Variants in USP16 observed in about 807,000 individuals in gnomAD.
USP16 encodes ubiquitin specific peptidase 16, also known as ubiquitin carboxyl-terminal hydrolase 16.
In USP16, 77 loss-of-function variants were observed where a neutral mutation model predicts 95.9. The observed-to-expected ratio is 0.80, with a 90% CI of 0.67 to 0.97. The LOEUF (loss-of-function observed/expected upper bound fraction) is 0.97, where lower values mean the gene tolerates loss of function less well. USP16 is among the 50% of genes least tolerant of loss of function. USP16 has a pLI of 0.00. For missense variants in USP16, 943 were observed against 959.9 expected (o/e 0.98, Z 0.23); for synonymous variants, 303 against 318.2 (o/e 0.95, Z 0.51).
chr21:29,046,439 T>C (rs2085324166), intron 13 of USP16, among the ~76,000 whole-genome samples: 1 of 152,200 alleles, frequency 6.6e-6, no homozygotes, highest in South Asian at 2.1e-4. Flanking sequence ...TGAGCCGCCA[T>C]GCCCAGCCAA....
At chr21:29,040,459 C>T (rs2085226356) in intron 9 of USP16, 150 bp from the exon 10 acceptor site, 2 of 298,252 alleles carry the variant, frequency 6.7e-6, no homozygotes, top group Non-Finnish European at 1.3e-5. Context: ...TTTTTAGCTC[C>T]TTGAATTAAG....
At chr21:29,034,791 T>C in intron 3 of USP16, 46 bp from the exon 4 acceptor site, 1 of 1,577,208 alleles carries the variant, frequency 6.3e-7, no homozygotes, top group East Asian at 2.2e-5. Context: ...TCTCCCCTCT[T>C]GCTGAGTTTT....
At chr21:29,030,862 A>G in intron 3 of USP16, 89 bp downstream of exon 3, 1 of 1,397,932 alleles carries the variant, frequency 7.2e-7, no homozygotes, top group Non-Finnish European at 9.7e-7. Flanking sequence ...CAGTATGGAT[A>G]AAAGGATACT....
chr21:29,034,421 T>C (rs140228229), intron 3 of USP16, among the ~76,000 whole-genome samples: 83 of 152,028 alleles, frequency 5.5e-4, no homozygotes, highest in African/African-American at 8.4e-4. Flanking sequence ...CAAGCAGTTC[T>C]CCTGCCTCAG....
At chr21:29,026,601 T>C (rs1484619893) in intron 1 of USP16, 1 of 148,380 alleles carries the variant, frequency 6.7e-6, no homozygotes, top group East Asian at 2.0e-4. Context: ...AGGCTAGTCT[T>C]GAACTTCTGG....
chr21:29,042,746 C>T (rs991863110), intron 12 of USP16: 1 of 449,360 alleles, frequency 2.2e-6, no homozygotes, highest in Non-Finnish European at 3.8e-6. Flanking sequence ...GAATTCTGTA[C>T]AAGTAATTAG....
chr21:29,037,487 T>TA lies in USP16; in HGVS notation c.636+30dup, dbSNP rs78302026. On this transcript the variant is annotated intron_variant, in intron 6 of 17. Transcript: ENST00000399976. ...AGGTACATTGTCATTTTTTTCCCTT[T>TA]AAAAAAGCTGTCCTTTTCCTCATAG... The TA allele has an allele frequency of 2.8e-4, 426 of 1,503,250 alleles. 1 individual carries two copies. In the East Asian group the frequency reaches 8.7e-3, roughly 31 times the overall value. The allele number at this position is 1,503,250 out of a possible 1,614,324, so 93.1% of individuals were successfully genotyped here.
chr21:29,046,659 T>C lies in USP16; in HGVS notation c.1357-8T>C, dbSNP rs1340443221. On this transcript the variant is annotated splice_region_variant and splice_polypyrimidine_tract_variant and intron_variant, in intron 13 of 17. Transcript: ENST00000399976. ...TTTATTTTTTGATGCCGTATACTTT[T>C]TACCCAGAACCAACGAAGACAACAA... 5.0e-6 allele frequency: 8 copies of C among 1,589,180 alleles called. No individual in the cohort carries two copies. The highest frequency in any genetic ancestry group is 6.0e-6 in the Non-Finnish European group (7 of 1,171,498).
At chr21:29,034,147 A>G (rs569742972) in intron 3 of USP16, among the ~76,000 whole-genome samples, 1 of 152,302 alleles carries the variant, frequency 6.6e-6, no homozygotes, top group African/African-American at 2.4e-5. Flanking sequence ...TTTTAGGAAC[A>G]CTAAACTGAA....
intron 4 of USP16, among the ~76,000 whole-genome samples, 199 bp downstream of exon 4, chr21:29,035,139 CAT>C (rs1305507474): frequency 6.6e-6 from 1 of 152,162 alleles, no homozygotes; most frequent in Admixed American, 6.5e-5. Context: ...AACATTGTAA[CAT>C]AGAAGACTTA....
rs762724265 is a variant in USP16, at chr21:29,038,427, A to G, written c.729A>G (p.Leu243=). 5 of 1,608,838 alleles carry G rather than the reference A, an allele frequency of 3.1e-6. No homozygotes were observed. The South Asian group carries it at 4.4e-5, about 14-fold the overall frequency. ...IVKIEPPDLA[L]TEPLEINLEP... ...AAATTGAACCACCTGATTTGGCATT[A>G]ACAGTATGTTCTTTAAACTTTTCTA... The change falls in exon 7 of 18, where the codon TTA becomes TTG. Residue 243 remains leucine (L), a synonymous_variant. Coordinates refer to ENST00000399976, the MANE Select transcript of USP16 (RefSeq NM_006447.3).
intron 8 of USP16, 33 bp downstream of exon 8, chr21:29,039,189 C>G (rs769764591): frequency 1.4e-6 from 2 of 1,430,722 alleles, no homozygotes; most frequent in South Asian, 1.8e-5. Flanking sequence ...CTTTCAGTGC[C>G]TCAGTGAGAT....
At chr21:29,044,677 C>T (rs774985078) in intron 13 of USP16, among the ~76,000 whole-genome samples, 33 of 152,084 alleles carry the variant, frequency 2.2e-4, no homozygotes, top group Non-Finnish European at 5.9e-5. Flanking sequence ...TAACTCCTGA[C>T]CTCAGATAAT....
At chr21:29,032,477 C>G (rs1465761571) in intron 3 of USP16, among the ~76,000 whole-genome samples, 1 of 152,134 alleles carries the variant, frequency 6.6e-6, no homozygotes. Flanking sequence ...AGTGATCTAC[C>G]CCCCTGGGCC....
chr21:29,038,414 C>T lies in USP16; in HGVS notation c.716C>T (p.Pro239Leu). 1.2e-6 allele frequency: 2 copies of T among 1,611,918 alleles called. No individual in the cohort carries two copies. The highest frequency in any genetic ancestry group is 1.7e-6 in the Non-Finnish European group (2 of 1,178,458). The change falls in exon 7 of 18, where the codon CCT becomes CTT. Residue 239 changes from proline (P) to leucine (L), a missense_variant. Pro to Leu is a moderately conservative substitution (Grantham distance 98). Transcript: ENST00000399976. ...GGAACAATTGTAAAAATTGAACCACCTGATTTGGCATTAACAGTATGTTCT... is the reference window on the plus strand; with the variant it reads ...GGAACAATTGTAAAAATTGAACCACTTGATTTGGCATTAACAGTATGTTCT... The part of the protein sequence containing the change: ...MSGTIVKIEP[P>L]DLALTEPLEI...
At chr21:29,040,721 G>A (rs1340291049) in intron 10 of USP16, 34 bp downstream of exon 10, 1 of 1,206,230 alleles carries the variant, frequency 8.3e-7, no homozygotes, top group Non-Finnish European at 1.2e-6. Flanking sequence ...AAACACTATA[G>A]TTGAATTCCT....
intron 6 of USP16, among the ~76,000 whole-genome samples, chr21:29,037,735 G>A (rs1041279148): frequency 2.6e-5 from 4 of 152,002 alleles, no homozygotes; most frequent in East Asian, 1.9e-4. Context: ...ACAGGCATGC[G>A]CCACCACTCC....
chr21:29,054,460 A>G lies in USP16; in HGVS notation c.*273A>G, dbSNP rs745452894. 3 of 368,306 alleles carry G rather than the reference A, an allele frequency of 8.1e-6. No individual in the cohort carries two copies. Among genetic ancestry groups the G allele is most frequent in the African/African-American group, 4.1e-5 (2 of 48,290 alleles). The allele number at this position is 368,306 out of a possible 1,614,324, so 22.8% of individuals were successfully genotyped here. Reference sequence around the variant, plus strand: ...TAATATATCTGGGTGATGGATCACAACACATCAATAAACTGACTTACCCTA... The same window carrying G: ...TAATATATCTGGGTGATGGATCACAGCACATCAATAAACTGACTTACCCTA... On this transcript the variant is annotated 3_prime_UTR_variant, in exon 18 of 18. Transcript: ENST00000399976.
At chr21:29,032,660 C>T (rs1413975244) in intron 3 of USP16, among the ~76,000 whole-genome samples, 1 of 152,294 alleles carries the variant, frequency 6.6e-6, no homozygotes, top group East Asian at 1.9e-4. Flanking sequence ...TTACTGTTTA[C>T]CTGTCGAATG....
Sources: gnomAD v4.1 joint callset for allele counts (sites outside exome capture counted in the v4.1 genomes callset) on GRCh38, gnomAD v4.1.1 for gene constraint, MANE v1.5 for transcripts, NCBI Gene and HGNC (gene_info 2026-07-23, HGNC 2026-07-21) for gene names.